The following ADAMTS7 variants were observed in gnomAD, a reference collection of about 807,000 sequenced individuals.
ADAMTS7 encodes the protein A disintegrin and metalloproteinase with thrombospondin motifs 7.
In ADAMTS7, 89 loss-of-function variants were observed where a neutral mutation model predicts 172.6. The observed-to-expected ratio is 0.52, with a 90% CI of 0.43 to 0.61. The LOEUF is 0.61. Among genes scored for constraint, ADAMTS7 ranks in the 20% least tolerant of loss-of-function variants. ADAMTS7 has a pLI of 0.00. For synonymous variants in ADAMTS7, 885 were observed against 978.4 expected (o/e 0.90, Z 1.78); for missense variants, 1,973 against 2,355.6 (o/e 0.84, Z 3.36).
chr15:78,800,211 A>T lies in ADAMTS7; in HGVS notation c.437T>A (p.Ile146Asn). ...ACTCACCAGGCCGTCGCAGGCGCTG[A>T]TGGCCGCCAGGCCACCCTCGAGCTC... Reference protein sequence around the residue: ...DPELEGGLAAISACDGLKGVF... With the variant: ...DPELEGGLAANSACDGLKGVF... The change falls in exon 2 of 24, where the codon ATC becomes AAC. Residue 146 changes from isoleucine (I) to asparagine (N), a missense_variant. Around this residue, in one of 8 missense-constraint regions of ADAMTS7, gnomAD observed 306 missense variants for 288.0 expected, o/e 1.06. Transcript: ENST00000388820. 1 of 1,593,880 alleles carries T rather than the reference A, an allele frequency of 6.3e-7. No individual in the cohort carries two copies. Among genetic ancestry groups the T allele is most frequent in the South Asian group, 1.1e-5 (1 of 90,802 alleles).
chr15:78,802,766 G>A (rs1482990687), intron 1 of ADAMTS7, among the ~76,000 whole-genome samples: 1 of 152,180 alleles, frequency 6.6e-6, no homozygotes, highest in East Asian at 1.9e-4. Context: ...GGAGGCCGAG[G>A]CAGGCAAATC....
At position 78,759,507 on chromosome 15, in the gene ADAMTS7, T is replaced by C. The variant is rs751149741; in HGVS notation, c.4975A>G (p.Thr1659Ala). 3 of 1,596,776 alleles carry C rather than the reference T, an allele frequency of 1.9e-6. No homozygotes were observed. Among genetic ancestry groups the C allele is most frequent in the African/African-American group, 2.7e-5 (2 of 74,858 alleles). The change falls in exon 24 of 24, where the codon ACC becomes GCC. Residue 1659 changes from threonine to alanine, a missense_variant. By Grantham distance (58) the Thr-to-Ala change is moderately conservative (BLOSUM62 0). This residue lies in a region of ADAMTS7 where 94 missense variants were observed against 95.4 expected (regional missense o/e 0.99). Transcript: ENST00000388820. ...GAGCGGCAGCACTGGGTGCGGATGG[T>C]GGGCAGCTGGCAGCGGCCCAGTAGG... ...LRLLGRCQLP[T>A]IRTQCCRSCS...
intron 23 of ADAMTS7, among the ~76,000 whole-genome samples, chr15:78,760,750 C>G (rs1008255700): frequency 1.3e-5 from 2 of 152,186 alleles, no homozygotes; most frequent in Non-Finnish European, 2.9e-5. Flanking sequence ...TCCAAGACAC[C>G]TTCCCAGCCC....
intron 1 of ADAMTS7, among the ~76,000 whole-genome samples, chr15:78,807,382 G>A (rs554722986): frequency 9.3e-4 from 142 of 152,338 alleles, no homozygotes; most frequent in African/African-American, 2.9e-3. Context: ...GAGAATACCT[G>A]CTGTAGATCC....
intron 4 of ADAMTS7, among the ~76,000 whole-genome samples, chr15:78,791,662 ATG>A (rs1031170898): frequency 1.3e-5 from 2 of 152,192 alleles, no homozygotes; most frequent in Non-Finnish European, 2.9e-5. Context: ...TGACCTGGGG[ATG>A]CCAGGACCAG....
rs531863929 is a variant in ADAMTS7 at position 78,763,970 on chromosome 15, C to T, written c.4549G>A (p.Gly1517Arg). The change falls in exon 21 of 24, where the codon GGG (glycine) becomes AGG (arginine). Residue 1517 changes from glycine to arginine, a missense_variant. By Grantham distance (125) the Gly-to-Arg change is moderately radical (BLOSUM62 -2). This residue lies in a region of ADAMTS7 where 218 missense variants were observed against 216.9 expected (regional missense o/e 1.01). Transcript: ENST00000388820. ...PAKPPAHRPC[G>R]AQPCLSWYTS... ...TACCAGCTGAGGCAGGGCTGGGCCCCGCAGGGCCGGTGCGCAGGCGGCTTG... is the reference window on the plus strand; with the variant it reads ...TACCAGCTGAGGCAGGGCTGGGCCCTGCAGGGCCGGTGCGCAGGCGGCTTG... 4.6e-5 allele frequency: 71 copies of T among 1,548,734 alleles called. No homozygotes were observed. The highest frequency in any genetic ancestry group is 9.4e-5 in the East Asian group (4 of 42,628).
intron 1 of ADAMTS7, among the ~76,000 whole-genome samples, chr15:78,804,348 CCT>C (rs1324730991): frequency 6.6e-6 from 1 of 152,186 alleles, no homozygotes; most frequent in Non-Finnish European, 1.5e-5. Context: ...TGCTTTCCCC[CCT>C]CTTTTCCCTC....
chr15:78,771,765 C>T lies in ADAMTS7; in HGVS notation c.2196G>A (p.Glu732=), dbSNP rs200789608. 4 of 1,612,628 alleles carry T rather than the reference C, an allele frequency of 2.5e-6. No individual in the cohort carries two copies. Among genetic ancestry groups the T allele is most frequent in the Non-Finnish European group, 3.4e-6 (4 of 1,180,010 alleles). ...TCCGCAGTGCCAGGAAGTTGGCAGC[C>T]TCGGCAACCTCTTGGATGCGGATCT... is the stretch of plus-strand genomic sequence containing the variant. ...AREIRIQEVA[E]AANFLALRSE... Residue 732 remains glutamate (E), a synonymous_variant, in exon 15 of 24, where the codon GAG becomes GAA. Transcript: ENST00000388820. This position sits in a 1 kb window ranked among gnomAD's most constrained non-coding sequence, Gnocchi z 4.9.
Position 78,796,727 on chromosome 15 carries a change from G to C in ADAMTS7, c.682C>G (p.Pro228Ala), listed in dbSNP as rs2055650000. The C allele has an allele frequency of 6.2e-7, 1 of 1,610,604 alleles. No homozygotes were observed. Among genetic ancestry groups the C allele is most frequent in the African/African-American group, 1.3e-5 (1 of 74,912 alleles). The change falls in exon 4 of 24, where the codon CCA becomes GCA. Residue 228 changes from proline (P) to alanine (A), a missense_variant. Pro to Ala is a conservative substitution (Grantham distance 27). Transcript: ENST00000388820. Reference sequence around the variant, plus strand: ...CGCTGGTGTAGACGCCTCAGCCGTGGCCGCCGCCACTGCTGCCGCTGCTCC... The same window carrying C: ...CGCTGGTGTAGACGCCTCAGCCGTGCCCGCCGCCACTGCTGCCGCTGCTCC... ...RWEQRQQWRR[P>A]RLRRLHQRSV...
chr15:78,797,872 A>AG, intron 3 of ADAMTS7, 76 bp downstream of exon 3: 2 of 1,517,632 alleles, frequency 1.3e-6, no homozygotes, highest in South Asian at 1.2e-5. Context: ...GGGGATGTTA[A>AG]GGGGGGCTTC....
chr15:78,808,031 T>C (rs1596204762), intron 1 of ADAMTS7, among the ~76,000 whole-genome samples: 1 of 152,016 alleles, frequency 6.6e-6, no homozygotes, highest in South Asian at 2.1e-4. Context: ...ATTTTTAAAT[T>C]TTTTTGTAGA....
chr15:78,798,714 G>A (rs1000446333), intron 2 of ADAMTS7, among the ~76,000 whole-genome samples: 15 of 152,132 alleles, frequency 9.9e-5, no homozygotes, highest in African/African-American at 2.4e-4. Context: ...GGACATGTCC[G>A]CCAGCATTCA....
chr15:78,764,066 G>A lies in ADAMTS7; in HGVS notation c.4453C>T (p.Arg1485Trp), dbSNP rs1391457769. ...CGTGTGTCCACACACTGCACGTCCC[G>A]CACTGAGGAACCTCCGCCGCAGCTG... is the stretch of plus-strand genomic sequence containing the variant. Reference protein sequence around the residue: ...SRSCGGGSSVRDVQCVDTRDL... With the variant: ...SRSCGGGSSVWDVQCVDTRDL... Residue 1485 changes from arginine (R) to tryptophan (W), a missense_variant, in exon 21 of 24, where the codon CGG becomes TGG. By Grantham distance (101) the Arg-to-Trp change is moderately radical. This residue lies in a region of ADAMTS7 where 218 missense variants were observed against 216.9 expected (regional missense o/e 1.01). Transcript: ENST00000388820. The A allele has an allele frequency of 5.9e-6, 9 of 1,532,124 alleles. No individual in the cohort carries two copies. Among genetic ancestry groups the A allele is most frequent in the Admixed American group, 2.0e-5 (1 of 49,030 alleles). 94.9% of individuals were successfully genotyped at this position (1,532,124 alleles called of 1,614,324 possible).
At chr15:78,779,776 C>T (rs2055404309) in intron 8 of ADAMTS7, among the ~76,000 whole-genome samples, 1 of 152,134 alleles carries the variant, frequency 6.6e-6, no homozygotes, top group South Asian at 2.1e-4. Context: ...GCACCTCATC[C>T]CAGCACCAAC....
At chr15:78,792,553 TC>T (rs2055594577) in intron 4 of ADAMTS7, among the ~76,000 whole-genome samples, 1 of 152,244 alleles carries the variant, frequency 6.6e-6, no homozygotes, top group South Asian at 2.1e-4. Context: ...CCAACAGGCT[TC>T]TTGGATCTGG....
In ADAMTS7 at chr15:78,771,757, T is replaced by G. The variant is rs1235996963; in HGVS notation, c.2204A>C (p.Asn735Thr). ...IRIQEVAEAANFLALRSEDPE... is the reference protein window; with the variant it reads ...IRIQEVAEAATFLALRSEDPE... ...GTCCTCGCTCCGCAGTGCCAGGAAG[T>G]TGGCAGCCTCGGCAACCTCTTGGAT... is the stretch of plus-strand genomic sequence containing the variant. Residue 735 changes from asparagine to threonine, a missense_variant, in exon 15 of 24, where the codon AAC becomes ACC. Coordinates refer to ENST00000388820, the MANE Select transcript of ADAMTS7 (RefSeq NM_014272.5). The surrounding 1 kb of genome is among the most constrained non-coding windows in gnomAD (Gnocchi z 4.9). 1 of 1,612,434 alleles carries G rather than the reference T, an allele frequency of 6.2e-7. No individual in the cohort carries two copies. Among genetic ancestry groups the G allele is most frequent in the South Asian group, 1.1e-5 (1 of 91,058 alleles).
chr15:78,776,385 T>C lies in ADAMTS7; in HGVS notation c.1561-52A>G. 1.3e-6 allele frequency: 2 copies of C among 1,585,244 alleles called. 1 individual carries two copies. Among genetic ancestry groups the C allele is most frequent in the South Asian group, 2.3e-5 (2 of 87,250 alleles). ...ACCCCACCCCCAAGTCTATCAGTCA[T>C]CCTCACCCTAGTGAGAACAAGGTGG... On this transcript the variant is annotated intron_variant, in intron 10 of 23. Transcript: ENST00000388820.
rs571747811 is a variant in ADAMTS7 at position 78,766,662 on chromosome 15, C to G, written c.3249G>C (p.Glu1083Asp). 8 of 1,610,718 alleles carry G rather than the reference C, an allele frequency of 5.0e-6. No individual in the cohort carries two copies. Among genetic ancestry groups the G allele is most frequent in the Non-Finnish European group, 6.8e-6 (8 of 1,179,676 alleles). ...HEDLSYGPSE[E>D]PDLDLAGTGD... ...CTGTCCCCGCCAGGTCTAGATCGGG[C>G]TCCTCAGAGGGCCCGTAGGACAGAT... Residue 1083 changes from glutamate to aspartate, a missense_variant, in exon 19 of 24, where the codon GAG becomes GAC. By Grantham distance (45) the Glu-to-Asp change is conservative. This residue lies in a region of ADAMTS7 where 771 missense variants were observed against 952.6 expected (regional missense o/e 0.81). Transcript: ENST00000388820.
In ADAMTS7 at chr15:78,768,271, G is replaced by A. The variant is rs767302496; in HGVS notation, c.2519-12C>T. ...CTGCCTCTGCACACCTAGGGGCCAC[G>A]GGGCTCAGCCTGGGACTGGCACCCA... On this transcript the variant is annotated splice_polypyrimidine_tract_variant and intron_variant, in intron 16 of 23. Transcript: ENST00000388820. 1.2e-5 allele frequency: 20 copies of A among 1,610,352 alleles called. No homozygotes were observed. Among genetic ancestry groups the A allele is most frequent in the Admixed American group, 5.0e-5 (3 of 59,930 alleles).
Sources: gnomAD v4.1 joint callset for allele counts (sites outside exome capture counted in the v4.1 genomes callset) on GRCh38, gnomAD v4.1.1 for gene constraint, gnomAD v4.1.1 regional missense constraint, Gnocchi (gnomAD v3.1) non-coding constraint, MANE v1.5 for transcripts, NCBI Gene and HGNC (gene_info 2026-07-23, HGNC 2026-07-21) for gene names.